OSBPL1A: variants seen among roughly 807,000 people sequenced by gnomAD.
OSBPL1A encodes oxysterol binding protein like 1A, also known as oxysterol-binding protein-related protein 1.
Under a neutral mutation model 137.1 loss-of-function variants are expected in OSBPL1A, and 80 were observed. The ratio of observed to expected loss-of-function variants is 0.58; its 90% CI spans 0.49 to 0.70. The LOEUF is 0.70. OSBPL1A is among the 30% of genes least tolerant of loss of function. OSBPL1A has a pLI of 0.00. For missense variants in OSBPL1A, 970 were observed against 1,129.4 expected (o/e 0.86, Z 2.02); for synonymous variants, 365 against 389.7 (o/e 0.94, Z 0.75).
intron 2 of OSBPL1A, among the ~76,000 whole-genome samples, chr18:24,371,146 G>A (rs911451659): frequency 2.0e-5 from 3 of 152,058 alleles, no homozygotes; most frequent in African/African-American, 7.2e-5. Context: ...AACGAGCCCA[G>A]TTTCTCCATA....
rs541233916 is a variant in OSBPL1A, at chr18:24,388,065, T to A, written c.-3+9590A>T. On this transcript the variant is annotated intron_variant, in intron 1 of 27. Transcript: ENST00000319481. Reference sequence around the variant, plus strand: ...ACACTAGGAGAACTTTTAAATGTTATAAGGAAGACAAGTGTACAAATAAAC... The same window carrying A: ...ACACTAGGAGAACTTTTAAATGTTAAAAGGAAGACAAGTGTACAAATAAAC... 5.1e-4 allele frequency among the ~76,000 whole-genome samples: 77 copies of A among 152,304 alleles called. 2 individuals are homozygous for A. In the South Asian group the frequency reaches 0.015, roughly 30 times the overall value.
At chr18:24,278,123 A>C (rs1204108713) in intron 15 of OSBPL1A, among the ~76,000 whole-genome samples, 1 of 152,212 alleles carries the variant, frequency 6.6e-6, no homozygotes, top group Non-Finnish European at 1.5e-5. Context: ...GGTCCACCAG[A>C]CTTTCAGACC....
chr18:24,221,551 A>G (rs2145982431), intron 17 of OSBPL1A, among the ~76,000 whole-genome samples: 2 of 152,308 alleles, frequency 1.3e-5, no homozygotes, highest in South Asian at 4.1e-4. Context: ...GATATTGTAC[A>G]TTTTCTTCCA....
chr18:24,363,193 A>G (rs571738617), intron 4 of OSBPL1A, among the ~76,000 whole-genome samples: 6 of 152,198 alleles, frequency 3.9e-5, no homozygotes, highest in Non-Finnish European at 8.8e-5. Flanking sequence ...TTAAAACAAC[A>G]GAAAGAAATG....
At chr18:24,291,202 G>A (rs1009297912) in intron 14 of OSBPL1A, among the ~76,000 whole-genome samples, 4 of 152,000 alleles carry the variant, frequency 2.6e-5, no homozygotes, top group African/African-American at 7.3e-5. Context: ...AACAACTTGA[G>A]GTATAAAAAC....
At chr18:24,269,851 AACACACACACACACACAC>A (rs147895357) in intron 15 of OSBPL1A, among the ~76,000 whole-genome samples, 7 of 139,988 alleles carry the variant, frequency 5.0e-5, no homozygotes, top group Non-Finnish European at 9.3e-5. Context: ...TGACAAGCCT[AACACACACACACACACAC>A]ACACACACAC....
intron 2 of OSBPL1A, among the ~76,000 whole-genome samples, chr18:24,370,012 A>C (rs1905497580): frequency 6.6e-6 from 1 of 152,206 alleles, no homozygotes; most frequent in African/African-American, 2.4e-5. Flanking sequence ...GCTTGAGCCC[A>C]GGAGTTCAAG....
chr18:24,304,927 T>C (rs1216540912), intron 13 of OSBPL1A, among the ~76,000 whole-genome samples: 2 of 152,156 alleles, frequency 1.3e-5, no homozygotes, highest in Non-Finnish European at 2.9e-5. Flanking sequence ...ATACCTACAC[T>C]ATGCAATTTA....
chr18:24,225,809 A>G (rs1331209774), intron 16 of OSBPL1A, among the ~76,000 whole-genome samples: 2 of 151,990 alleles, frequency 1.3e-5, no homozygotes, highest in African/African-American at 4.8e-5. Flanking sequence ...AAAAAGTTTC[A>G]AAACAAAAAA....
chr18:24,164,579 C>T (rs572099899), intron 27 of OSBPL1A, among the ~76,000 whole-genome samples: 1 of 152,126 alleles, frequency 6.6e-6, no homozygotes, highest in African/African-American at 2.4e-5. Context: ...CAGGCGCCCG[C>T]CACCACGCCC....
At chr18:24,187,621 T>TAA (rs1308236310) in intron 18 of OSBPL1A, among the ~76,000 whole-genome samples, 4 of 152,200 alleles carry the variant, frequency 2.6e-5, no homozygotes, top group Non-Finnish European at 4.4e-5. Context: ...AGGCATCTGT[T>TAA]AAGTGAGCAA....
At chr18:24,203,183 GC>G (rs1160443039) in intron 17 of OSBPL1A, among the ~76,000 whole-genome samples, 7 of 151,864 alleles carry the variant, frequency 4.6e-5, no homozygotes, top group Admixed American at 4.6e-4. Flanking sequence ...CACCATGTTA[GC>G]CAGGCTGGTC....
intron 13 of OSBPL1A, 44 bp downstream of exon 13, chr18:24,311,940 T>C: frequency 6.2e-7 from 1 of 1,609,002 alleles, no homozygotes; most frequent in African/African-American, 1.3e-5. Context: ...TTAAACCTCA[T>C]GACATAGATA....
chr18:24,319,940 C>G (rs942181616), intron 7 of OSBPL1A, among the ~76,000 whole-genome samples: 3 of 147,470 alleles, frequency 2.0e-5, no homozygotes, highest in Non-Finnish European at 4.5e-5. Flanking sequence ...AGGCCAGAAG[C>G]TTAAGACTCG....
chr18:24,315,937 T>G (rs1426607969), intron 11 of OSBPL1A, among the ~76,000 whole-genome samples: 3 of 139,212 alleles, frequency 2.2e-5, no homozygotes, highest in Non-Finnish European at 4.5e-5. Flanking sequence ...AATAATAATA[T>G]TAATAATATT....
At chr18:24,287,923 C>G (rs184414086) in intron 14 of OSBPL1A, among the ~76,000 whole-genome samples, 1 of 152,178 alleles carries the variant, frequency 6.6e-6, no homozygotes, top group African/African-American at 2.4e-5. Flanking sequence ...AAGCTTGGAC[C>G]AAAGACAGAA....
chr18:24,294,990 A>G lies in OSBPL1A; in HGVS notation c.1174+8647T>C, dbSNP rs563145649. 2.0e-5 allele frequency among the ~76,000 whole-genome samples: 3 copies of G among 152,320 alleles called. No individual in the cohort carries two copies. In the East Asian group the frequency reaches 5.8e-4, roughly 29 times the overall value. On this transcript the variant is annotated intron_variant, in intron 14 of 27. Transcript: ENST00000319481. Reference sequence around the variant, plus strand: ...TTTTAGTTCTTTAGGGAATCTCCATACTGTTCTCCATAGAGGTTGTACTAA... The same window carrying G: ...TTTTAGTTCTTTAGGGAATCTCCATGCTGTTCTCCATAGAGGTTGTACTAA...
rs765869583 is a variant in OSBPL1A at position 24,318,688 on chromosome 18, C to CA, written c.688-44dup. On this transcript the variant is annotated intron_variant, in intron 8 of 27. Transcript: ENST00000319481. The stretch of plus-strand genomic sequence containing the variant: ...TCATGAAAAATGCATCTACATATTT[C>CA]AAACATTCAAAAATTTTTTTCTAAA... The CA allele has an allele frequency of 4.4e-6, 7 of 1,600,854 alleles. No homozygotes were observed. The Admixed American group carries it at 1.2e-4, about 27-fold the overall frequency.
chr18:24,179,141 C>T (rs1212297897), intron 20 of OSBPL1A: 1 of 152,448 alleles, frequency 6.6e-6, no homozygotes, highest in East Asian at 1.9e-4. Flanking sequence ...TTTCTGACCT[C>T]CCTCTCCTGG....
Sources: gnomAD v4.1 joint callset for allele counts (sites outside exome capture counted in the v4.1 genomes callset) on GRCh38, gnomAD v4.1.1 for gene constraint, MANE v1.5 for transcripts, NCBI Gene and HGNC (gene_info 2026-07-23, HGNC 2026-07-21) for gene names.